GSDMD: variants seen among roughly 807,000 people sequenced by gnomAD.
GSDMD encodes the protein gasdermin D.
GSDMD carries 46 observed loss-of-function variants against 46.7 expected under a neutral mutation model. That is an observed-to-expected ratio of 0.99 (90% confidence interval 0.78 to 1.26). The LOEUF (loss-of-function observed/expected upper bound fraction) is 1.26. Among genes scored for constraint, GSDMD ranks in the 50% most tolerant of loss-of-function variants. GSDMD has a pLI of 0.00. For synonymous variants in GSDMD, 307 were observed against 283.1 expected (o/e 1.08, Z -0.85); for missense variants, 649 against 638.8 (o/e 1.02, Z -0.17).
At chr8:143,559,280 T>TAGCC in intron 1 of GSDMD, 52 bp from the exon 2 acceptor site, 10 of 579,430 alleles carry the variant, frequency 1.7e-5, no homozygotes, top group East Asian at 3.2e-5. Context: ...CTTCTCCCAC[T>TAGCC]CCCTCCCGCC....
At chr8:143,558,656 G>C in intron 1 of GSDMD, 1 of 591,356 alleles carries the variant, frequency 1.7e-6, no homozygotes, top group Non-Finnish European at 2.9e-6. Flanking sequence ...CTGGGCTTGG[G>C]CTTGACTCCC....
upstream of GSDMD, among the ~76,000 whole-genome samples, chr8:143,554,597 G>T (rs891157429): frequency 6.7e-6 from 1 of 149,444 alleles, no homozygotes; most frequent in Non-Finnish European, 1.5e-5. Context: ...GCATACACGC[G>T]CACAACGCGC....
upstream of GSDMD, among the ~76,000 whole-genome samples, chr8:143,557,316 CGAAGGATGCTGCCGCTATGGT>C (rs796915098): frequency 0.37 from 33,727 of 91,768 alleles, 7,599 homozygotes; most frequent in East Asian, 0.63. Flanking sequence ...GCCGCTATGG[CGAAGGATGCTGCCGCTATGGT>C]GAAGGATGCT....
In GSDMD at chr8:143,559,881, G is replaced by A. The variant is rs748312977; in HGVS notation, c.322G>A (p.Ala108Thr). Residue 108 changes from alanine to threonine, a missense_variant, in exon 3 of 11, where the codon GCC becomes ACC. Physicochemically the swap from Ala to Thr is moderately conservative, Grantham distance 58 (BLOSUM62 0). Coordinates refer to ENST00000262580, the MANE Select transcript of GSDMD (RefSeq NM_024736.7). ...APGQAKIAGGAAVSDSSSTSM... is the reference protein window; with the variant it reads ...APGQAKIAGGTAVSDSSSTSM... ...AGGACAGGCAAAGATCGCAGGCGGGGCCGCGGTGTCTGACAGCTCCAGCAC... is the reference window on the plus strand; with the variant it reads ...AGGACAGGCAAAGATCGCAGGCGGGACCGCGGTGTCTGACAGCTCCAGCAC... 3 of 1,612,770 alleles carry A rather than the reference G, an allele frequency of 1.9e-6. No homozygotes were observed. Among genetic ancestry groups the A allele is most frequent in the Non-Finnish European group, 2.5e-6 (3 of 1,179,948 alleles).
rs779813692 is a variant in GSDMD at position 143,560,735 on chromosome 8, G to C, written c.543G>C (p.Ser181=). ...EVTRTHKREG[S]GRFSLPGATC... is the part of the protein sequence containing the mutation. ...CGCGCACCCACAAGCGGGAGGGCTC[G>C]GGCCGGTTTTCCCTGCCCGGAGCCA... The change falls in exon 4 of 11, where the codon TCG becomes TCC. Residue 181 remains serine, a synonymous_variant. Coordinates refer to ENST00000262580, the MANE Select transcript of GSDMD (RefSeq NM_024736.7). The C allele has an allele frequency of 6.4e-7, 1 of 1,563,470 alleles. No homozygotes were observed. The highest frequency in any genetic ancestry group is 2.4e-5 in the East Asian group (1 of 42,220).
chr8:143,559,287 C>CCCCCCCCCCCAGAGCACAAA, intron 1 of GSDMD, 45 bp from the exon 2 acceptor site: 1 of 655,696 alleles, frequency 1.5e-6, no homozygotes, highest in South Asian at 1.7e-5. Context: ...CACTCCCTCC[C>CCCCCCCCCCCAGAGCACAAA]GCCCGCCCCG....
upstream of GSDMD, among the ~76,000 whole-genome samples, chr8:143,555,529 C>T (rs1234555752): frequency 6.6e-6 from 1 of 152,204 alleles, no homozygotes; most frequent in Non-Finnish European, 1.5e-5. Flanking sequence ...AGCAGCGACC[C>T]CCAACACCTG....
At position 143,559,557 on chromosome 8, in the gene GSDMD, C is replaced by G. The variant is rs1290695746; in HGVS notation, c.217+5C>G. On this transcript the variant is annotated splice_donor_5th_base_variant and intron_variant, in intron 2 of 10. Transcript: ENST00000262580. Reference sequence around the variant, plus strand: ...AGCCGGATGCCGCGGAACCAGGTGCCTGATGTGGTGCTGAGGCAGAGCCCC... The same window carrying G: ...AGCCGGATGCCGCGGAACCAGGTGCGTGATGTGGTGCTGAGGCAGAGCCCC... 6.2e-7 allele frequency: 1 copy of G among 1,611,158 alleles called. No homozygotes were observed. Among genetic ancestry groups the G allele is most frequent in the South Asian group, 1.1e-5 (1 of 90,878 alleles).
At position 143,559,403 on chromosome 8, in the gene GSDMD, T is replaced by A; in HGVS notation, c.68T>A (p.Ile23Asn). ...GAGCTGGACCATGGTGGGGAGTTCA[T>A]CCCTGTGACCAGCCTGCAGAGCTCC... ...VQELDHGGEF[I>N]PVTSLQSSTG... The change falls in exon 2 of 11, where the codon ATC (isoleucine) becomes AAC (asparagine). Residue 23 changes from isoleucine (I) to asparagine (N), a missense_variant. Ile to Asn is a moderately radical substitution (Grantham distance 149). Transcript: ENST00000262580. 6.2e-7 allele frequency: 1 copy of A among 1,612,724 alleles called. No homozygotes were observed. Among genetic ancestry groups the A allele is most frequent in the South Asian group, 1.1e-5 (1 of 91,078 alleles).
intron 3 of GSDMD, 160 bp from the exon 4 acceptor site, chr8:143,560,443 C>T (rs987102971): frequency 2.6e-5 from 18 of 703,412 alleles, no homozygotes; most frequent in Non-Finnish European, 4.0e-5. Context: ...GGGGTCCCGT[C>T]CCCGTGGGGA....
upstream of GSDMD, chr8:143,557,886 A>G (rs553266303): frequency 6.8e-6 from 3 of 439,108 alleles, no homozygotes; most frequent in African/African-American, 4.0e-5. Context: ...CACAGGCCCA[A>G]AGTTGTTTGT....
At chr8:143,560,869 G>A in intron 4 of GSDMD, 98 bp downstream of exon 4, 2 of 1,430,802 alleles carry the variant, frequency 1.4e-6, no homozygotes, top group Non-Finnish European at 1.9e-6. Flanking sequence ...GCCCCTCGGA[G>A]CAGCTCCCAG....
rs766661553 is a variant in GSDMD, at chr8:143,562,799, G to A, written c.1350G>A (p.Gly450=). 6.2e-7 allele frequency: 1 copy of A among 1,602,890 alleles called. No individual in the cohort carries two copies. Among genetic ancestry groups the A allele is most frequent in the Admixed American group, 1.7e-5 (1 of 58,808 alleles). The change falls in exon 11 of 11, where the codon GGG becomes GGA. Residue 450 remains glycine (G), a synonymous_variant. Coordinates refer to ENST00000262580, the MANE Select transcript of GSDMD (RefSeq NM_024736.7). ...TGGACGAGTGTGGCCTAGAGCTGGG[G>A]GAGGACACTCCCCACGTGTGCTGGG... ...VLLDECGLEL[G]EDTPHVCWEP...
chr8:143,562,999 G>A lies in GSDMD; in HGVS notation c.*95G>A, dbSNP rs773072660. Reference sequence around the variant, plus strand: ...GGAAGGCCAGGAGCCCAGTAGCCATGTGGCCAGTCTACCATGGGGCCCAGG... The same window carrying A: ...GGAAGGCCAGGAGCCCAGTAGCCATATGGCCAGTCTACCATGGGGCCCAGG... On this transcript the variant is annotated 3_prime_UTR_variant, in exon 11 of 11. Transcript: ENST00000262580. The A allele has an allele frequency of 1.2e-4, 181 of 1,532,724 alleles. No homozygotes were observed. The highest frequency in any genetic ancestry group is 1.5e-4 in the Non-Finnish European group (173 of 1,127,942). The allele number at this position is 1,532,724 out of a possible 1,614,324, so 94.9% of individuals were successfully genotyped here.
Position 143,559,349 on chromosome 8 carries a change from T to C in GSDMD, c.14T>C (p.Phe5Ser), listed in dbSNP as rs1823392100. The C allele has an allele frequency of 6.7e-7, 1 of 1,489,948 alleles. No individual in the cohort carries two copies. Among genetic ancestry groups the C allele is most frequent in the Non-Finnish European group, 9.1e-7 (1 of 1,103,708 alleles). 92.3% of individuals were successfully genotyped at this position (1,489,948 alleles called of 1,614,324 possible). Reference protein sequence around the residue: MGSAFERVVRRVVQE... With the variant: MGSASERVVRRVVQE... ...CTCCTCAGGAGCATGGGGTCGGCCT[T>C]TGAGCGGGTAGTCCGGAGAGTGGTC... The change falls in exon 2 of 11, where the codon TTT becomes TCT. Residue 5 changes from phenylalanine (F) to serine (S), a missense_variant. Transcript: ENST00000262580.
At chr8:143,554,889 C>G (rs1823274839), upstream of GSDMD, among the ~76,000 whole-genome samples, 4 of 152,252 alleles carry the variant, frequency 2.6e-5, no homozygotes, top group Non-Finnish European at 5.9e-5. Context: ...TGGGCTCCAG[C>G]TGGACCAGAG....
Position 143,561,416 on chromosome 8 carries a change from C to T in GSDMD, c.729C>T (p.Pro243=), listed in dbSNP as rs370326863. 63 of 1,611,212 alleles carry T rather than the reference C, an allele frequency of 3.9e-5. No individual in the cohort carries two copies. Among genetic ancestry groups the T allele is most frequent in the African/African-American group, 1.1e-4 (8 of 74,996 alleles). Residue 243 remains proline, a synonymous_variant, in exon 6 of 11, where the codon CCC becomes CCT. Transcript: ENST00000262580. ...AGAAGCAGAGGACCTTCCAGCCACC[C>T]GCGACAGGTGAGAGCCGAGAGCCCC... ...PDKKQRTFQP[P]ATGHKRSTSE...
Position 143,560,780 on chromosome 8 carries a change from C to A in GSDMD, c.579+9C>A. Reference sequence around the variant, plus strand: ...GAGCCACGTGCTTGCAGGTGTGTAGCCAGCCCCGGGCCACGCCTGGCCCCC... The same window carrying A: ...GAGCCACGTGCTTGCAGGTGTGTAGACAGCCCCGGGCCACGCCTGGCCCCC... On this transcript the variant is annotated intron_variant, in intron 4 of 10. Transcript: ENST00000262580. 6.5e-7 allele frequency: 1 copy of A among 1,529,226 alleles called. No homozygotes were observed. The allele number at this position is 1,529,226 out of a possible 1,614,324, so 94.7% of individuals were successfully genotyped here.
chr8:143,561,592 GGGC>G, intron 6 of GSDMD, 147 bp from the exon 7 acceptor site: 1 of 903,404 alleles, frequency 1.1e-6, no homozygotes, highest in Non-Finnish European at 1.7e-6. Flanking sequence ...AGCTGACCCT[GGGC>G]CTCCCCAGCC....
Sources: allele counts gnomAD v4.1 joint callset (sites outside exome capture counted in the v4.1 genomes callset), GRCh38; gene constraint gnomAD v4.1.1; transcripts MANE v1.5; gene names NCBI Gene and HGNC (gene_info 2026-07-23, HGNC 2026-07-21).